The following TAFA1 variants were observed in gnomAD, a reference collection of about 807,000 sequenced individuals.
TAFA1 encodes TAFA chemokine like family member 1.
In TAFA1, 4 loss-of-function variants were observed where a neutral mutation model predicts 18.5. That is an observed-to-expected ratio of 0.22 (90% CI 0.11 to 0.49). TAFA1 has a LOEUF of 0.49. TAFA1 is among the 20% of genes least tolerant of loss of function. TAFA1 has a pLI of 0.98. For synonymous variants in TAFA1, 56 were observed against 55.2 expected (o/e 1.01, Z -0.06); for missense variants, 147 against 169.0 (o/e 0.87, Z 0.72).
chr3:68,274,943 A>T (rs1191081669), intron 2 of TAFA1, among the ~76,000 whole-genome samples: 4 of 152,142 alleles, frequency 2.6e-5, no homozygotes, highest in African/African-American at 9.7e-5. Flanking sequence ...TAGACCATAT[A>T]CAATTTGCAA....
chr3:68,318,005 C>T (rs539552225), intron 2 of TAFA1, among the ~76,000 whole-genome samples: 2 of 152,094 alleles, frequency 1.3e-5, no homozygotes, highest in Non-Finnish European at 2.9e-5. Flanking sequence ...GTGGCCAAGT[C>T]GTCTGCCAAA....
chr3:68,140,052 G>T (rs2065651749), intron 2 of TAFA1, among the ~76,000 whole-genome samples: 1 of 152,152 alleles, frequency 6.6e-6, no homozygotes, highest in South Asian at 2.1e-4. Context: ...CTTTCCTGTG[G>T]TTCGTTGTGC....
chr3:68,065,379 A>C (rs1227123533), intron 2 of TAFA1, among the ~76,000 whole-genome samples: 2 of 152,134 alleles, frequency 1.3e-5, no homozygotes. Flanking sequence ...TCTCAACTAG[A>C]AAGAGAGCAT....
intron 2 of TAFA1, among the ~76,000 whole-genome samples, chr3:68,060,627 A>G (rs2064591066): frequency 6.6e-6 from 1 of 152,150 alleles, no homozygotes; most frequent in African/African-American, 2.4e-5. Flanking sequence ...GCTTATGCAT[A>G]ACATTACTCT....
At chr3:68,533,493 A>G (rs1226191303) in intron 3 of TAFA1, among the ~76,000 whole-genome samples, 2 of 152,172 alleles carry the variant, frequency 1.3e-5, no homozygotes, top group African/African-American at 2.4e-5. Flanking sequence ...ACACAGCCAA[A>G]CCATATCAGA....
At chr3:68,117,678 T>C (rs2065340071) in intron 2 of TAFA1, among the ~76,000 whole-genome samples, 1 of 152,216 alleles carries the variant, frequency 6.6e-6, no homozygotes, top group Non-Finnish European at 1.5e-5. Flanking sequence ...ATTATATTGC[T>C]TTATAAATAG....
intron 2 of TAFA1, among the ~76,000 whole-genome samples, chr3:68,119,840 T>A: frequency 6.6e-6 from 1 of 152,200 alleles, no homozygotes; most frequent in Non-Finnish European, 1.5e-5. Context: ...TTTTCAAGAT[T>A]GTTTTGGCTA....
intron 2 of TAFA1, among the ~76,000 whole-genome samples, chr3:68,407,375 C>G (rs1328067431): frequency 6.6e-6 from 1 of 152,100 alleles, no homozygotes; most frequent in Non-Finnish European, 1.5e-5. Context: ...TCTCTGGAAA[C>G]TGAATCACAG....
At chr3:68,457,330 T>C (rs983319339) in intron 3 of TAFA1, among the ~76,000 whole-genome samples, 1 of 152,170 alleles carries the variant, frequency 6.6e-6, no homozygotes, top group Non-Finnish European at 1.5e-5. Flanking sequence ...TATGCATATA[T>C]TATGGTTGTA....
intron 3 of TAFA1, among the ~76,000 whole-genome samples, chr3:68,523,712 A>G (rs1197704042): frequency 1.3e-5 from 2 of 152,328 alleles, no homozygotes; most frequent in Admixed American, 6.5e-5. Context: ...ATTTAAGTGT[A>G]TTATGGAAAA....
At chr3:68,093,559 G>T (rs1004035865) in intron 2 of TAFA1, among the ~76,000 whole-genome samples, 3 of 151,266 alleles carry the variant, frequency 2.0e-5, no homozygotes, top group Non-Finnish European at 4.4e-5. Context: ...CACTGTGGTG[G>T]GATCTCGGGA....
rs537624475 is a variant in TAFA1 at position 68,290,891 on chromosome 3, C to A, written c.119-126389C>A. Among the ~76,000 whole-genome samples the A allele has an allele frequency of 1.2e-4, 16 of 137,244 alleles. No individual in the cohort carries two copies. The East Asian group carries it at 2.6e-3, about 23-fold the overall frequency. 90.0% of individuals were successfully genotyped at this position (137,244 alleles called of 152,430 possible). On this transcript the variant is annotated intron_variant, in intron 2 of 4. Transcript: ENST00000478136. ...GCCTCAGCTCAAAGTGGATTTAATC[C>A]TTTTCTTAAAAAAAAAAAAACTCTT...
Position 68,023,186 on chromosome 3 carries a change from G to A in TAFA1, c.118+16442G>A, listed in dbSNP as rs935413289. 3.9e-5 allele frequency among the ~76,000 whole-genome samples: 6 copies of A among 152,090 alleles called. No individual in the cohort carries two copies. In the South Asian group the frequency reaches 6.2e-4, roughly 16 times the overall value. On this transcript the variant is annotated intron_variant, in intron 2 of 4. Transcript: ENST00000478136. ...GGACAGCGTTAAGATGGAAGTAAAT[G>A]TATGTCAGGATATGCTAGGTGATGC...
chr3:68,488,080 G>T (rs947048129), intron 3 of TAFA1, among the ~76,000 whole-genome samples: 39 of 152,264 alleles, frequency 2.6e-4, no homozygotes, highest in African/African-American at 8.7e-4. Flanking sequence ...ATTAGCCAGG[G>T]TTCTCTAGAA....
chr3:68,073,170 C>A (rs1032626260), intron 2 of TAFA1, among the ~76,000 whole-genome samples: 1 of 152,108 alleles, frequency 6.6e-6, no homozygotes. Context: ...TTTGAGTAGG[C>A]TTTGCTGTTT....
rs1357444528 is a variant in TAFA1 at position 68,305,866 on chromosome 3, T to G, written c.119-111414T>G. Among the ~76,000 whole-genome samples the G allele has an allele frequency of 2.0e-5, 3 of 152,192 alleles. No homozygotes were observed. In the East Asian group the frequency reaches 5.8e-4, roughly 29 times the overall value. ...GCACATTATTTGGTGACTCCACACC[T>G]CATTTTCTTCATGTAAAATGGACAT... is the stretch of plus-strand genomic sequence containing the variant. On this transcript the variant is annotated intron_variant, in intron 2 of 4. Coordinates refer to ENST00000478136, the MANE Select transcript of TAFA1 (RefSeq NM_213609.4).
intron 2 of TAFA1, among the ~76,000 whole-genome samples, chr3:68,268,536 C>CATTATGAT: frequency 6.6e-6 from 1 of 151,850 alleles, no homozygotes; most frequent in African/African-American, 2.4e-5. Context: ...TTTTTTCTCC[C>CATTATGAT]CCACTGGGAG....
intron 2 of TAFA1, among the ~76,000 whole-genome samples, chr3:68,226,540 T>C (rs141543211): frequency 1.3e-5 from 2 of 152,276 alleles, no homozygotes; most frequent in African/African-American, 4.8e-5. Flanking sequence ...AAAATAAAAC[T>C]TGAGATAAAT....
intron 3 of TAFA1, among the ~76,000 whole-genome samples, chr3:68,423,168 A>G (rs1433275858): frequency 1.3e-5 from 2 of 152,256 alleles, no homozygotes; most frequent in South Asian, 2.1e-4. Context: ...ATAATGGAAC[A>G]TAATTAATAC....
Sources: allele counts gnomAD v4.1 joint callset (sites outside exome capture counted in the v4.1 genomes callset), GRCh38; gene constraint gnomAD v4.1.1; transcripts MANE v1.5; gene names NCBI Gene and HGNC (gene_info 2026-07-23, HGNC 2026-07-21).